ANO5: variants seen among roughly 807,000 people sequenced by gnomAD.
The protein encoded by ANO5 is anoctamin-5.
In ANO5, 109 loss-of-function variants were observed where a neutral mutation model predicts 121.0. The observed-to-expected ratio is 0.90, with a 90% CI of 0.77 to 1.06. ANO5 has a LOEUF of 1.06. Ranked by LOEUF, ANO5 falls within the 50% of genes least tolerant of loss-of-function variation. ANO5 has a pLI of 0.00. For synonymous variants in ANO5, 406 were observed against 359.9 expected, an observed-to-expected ratio of 1.13 and a Z score of -1.45; for missense variants, 1,064 against 1,078.5, an observed-to-expected ratio of 0.99 and a Z score of 0.19.
chr11:22,249,990 A>G (rs1192202248), intron 9 of ANO5, among the ~76,000 whole-genome samples: 1 of 152,160 alleles, frequency 6.6e-6, no homozygotes, highest in Non-Finnish European at 1.5e-5. Context: ...TTGGCTTTCT[A>G]CTTATATCTG....
intron 7 of ANO5, 55 bp downstream of exon 7, chr11:22,227,641 G>A (rs879533262): frequency 4.5e-5 from 72 of 1,589,352 alleles, no homozygotes; most frequent in African/African-American, 8.1e-5. Flanking sequence ...GTATGCTTGT[G>A]TGTGCTTTTA....
intron 12 of ANO5, among the ~76,000 whole-genome samples, chr11:22,251,853 C>T (rs975511460): frequency 6.6e-6 from 1 of 151,256 alleles, no homozygotes; most frequent in Admixed American, 6.6e-5. Context: ...GGTGAAACCC[C>T]GTCTCTACTA....
At chr11:22,273,566 C>T (rs1038466436) in intron 19 of ANO5, among the ~76,000 whole-genome samples, 5 of 152,042 alleles carry the variant, frequency 3.3e-5, no homozygotes, top group Non-Finnish European at 7.4e-5. Flanking sequence ...TTACAGATAA[C>T]TCCATTGCCA....
At chr11:22,259,457 G>T in intron 14 of ANO5, 62 bp from the exon 15 acceptor site, 1 of 1,429,066 alleles carries the variant, frequency 7.0e-7, no homozygotes, top group Non-Finnish European at 9.9e-7. Flanking sequence ...CAATATGTTA[G>T]ATATATATTC....
chr11:22,265,680 A>C (rs1164860569), intron 17 of ANO5, among the ~76,000 whole-genome samples: 1 of 152,114 alleles, frequency 6.6e-6, no homozygotes, highest in African/African-American at 2.4e-5. Context: ...TGATATATAG[A>C]TTTATTGTTA....
intron 18 of ANO5, among the ~76,000 whole-genome samples, chr11:22,270,657 A>G (rs922053009): frequency 6.6e-6 from 1 of 152,196 alleles, no homozygotes; most frequent in Non-Finnish European, 1.5e-5. Context: ...CAAAACACCA[A>G]TCTCAGAGAC....
chr11:22,246,127 C>T (rs966295200), intron 9 of ANO5, among the ~76,000 whole-genome samples: 1 of 152,120 alleles, frequency 6.6e-6, no homozygotes, highest in Non-Finnish European at 1.5e-5. Flanking sequence ...CCAAAGAGTA[C>T]CAGTCTTCTC....
Position 22,280,097 on chromosome 11 carries a change from T to G in ANO5, c.*332T>G. 1 of 260,440 alleles carries G rather than the reference T, an allele frequency of 3.8e-6. No homozygotes were observed. The highest frequency in any genetic ancestry group is 7.3e-6 in the Non-Finnish European group (1 of 136,064). The allele number at this position is 260,440 out of a possible 1,614,324, so 16.1% of individuals were successfully genotyped here. On this transcript the variant is annotated 3_prime_UTR_variant, in exon 22 of 22. Coordinates refer to ENST00000324559, the MANE Select transcript of ANO5 (RefSeq NM_213599.3). ...GAAACACTGGCCTTGGGCTGTCCCA[T>G]CACTTTCCAGTGCATCTATTTATTT...
intron 8 of ANO5, 60 bp downstream of exon 8, chr11:22,236,336 T>C (rs1284520551): frequency 7.5e-7 from 1 of 1,336,042 alleles, no homozygotes; most frequent in Non-Finnish European, 1.1e-6. Flanking sequence ...TGTTCATTAC[T>C]GGGAGAGAGA....
chr11:22,273,320 C>T (rs1235158393), intron 19 of ANO5, among the ~76,000 whole-genome samples: 1 of 152,002 alleles, frequency 6.6e-6, no homozygotes, highest in Non-Finnish European at 1.5e-5. Flanking sequence ...AGAGAATATA[C>T]ATTTACCTGT....
At chr11:22,221,006 AT>A in intron 4 of ANO5, 90 bp from the exon 5 acceptor site, 1 of 942,726 alleles carries the variant, frequency 1.1e-6, no homozygotes. Flanking sequence ...ATTTGTCTTG[AT>A]TTGACTAAAT....
chr11:22,281,987 A>G lies in ANO5; in HGVS notation c.*2222A>G, dbSNP rs1231912829. ...TTTGTTTTTCAGATTTAAAAATGAA[A>G]TACAGGTATTCGTCACTTTCCTGAA... is the stretch of plus-strand genomic sequence containing the variant. On this transcript the variant is annotated 3_prime_UTR_variant, in exon 22 of 22. Transcript: ENST00000324559. 1 of 152,150 alleles carries G rather than the reference A, an allele frequency of 6.6e-6. No homozygotes were observed. Among genetic ancestry groups the G allele is most frequent in the African/African-American group, 2.4e-5 (1 of 41,456 alleles). The allele number at this position is 152,150 out of a possible 1,614,324, so 9.4% of individuals were successfully genotyped here.
intron 1 of ANO5, among the ~76,000 whole-genome samples, chr11:22,199,010 C>A (rs1326077794): frequency 6.6e-6 from 1 of 152,100 alleles, no homozygotes; most frequent in Non-Finnish European, 1.5e-5. Flanking sequence ...CAAGCATTTC[C>A]CTTTAGATTT....
At position 22,255,429 on chromosome 11, in the gene ANO5, C is replaced by G; in HGVS notation, c.1239C>G (p.Asp413Glu). 1 of 1,612,950 alleles carries G rather than the reference C, an allele frequency of 6.2e-7. No homozygotes were observed. Among genetic ancestry groups the G allele is most frequent in the Non-Finnish European group, 8.5e-7 (1 of 1,179,362 alleles). The stretch of plus-strand genomic sequence containing the variant: ...AAGCCAGACTGGAATATGAATGGGA[C>G]CTGGTGGACTTTGAAGAGGAACAGC... ...QRQARLEYEW[D>E]LVDFEEEQQQ... Residue 413 changes from aspartate to glutamate, a missense_variant, in exon 13 of 22, where the codon GAC becomes GAG. Asp to Glu is a conservative substitution (Grantham distance 45). Coordinates refer to ENST00000324559, the MANE Select transcript of ANO5 (RefSeq NM_213599.3).
intron 1 of ANO5, among the ~76,000 whole-genome samples, chr11:22,196,925 G>A (rs1207147990): frequency 6.6e-6 from 1 of 152,124 alleles, no homozygotes; most frequent in African/African-American, 2.4e-5. Context: ...GAAAACAAAA[G>A]TGTTGGCTGA....
chr11:22,197,999 G>A (rs1329900900), intron 1 of ANO5, among the ~76,000 whole-genome samples: 1 of 152,152 alleles, frequency 6.6e-6, no homozygotes, highest in East Asian at 1.9e-4. Flanking sequence ...ACTCCATGAG[G>A]GAGTATGAAA....
At position 22,280,637 on chromosome 11, in the gene ANO5, C is replaced by T. The variant is rs985530825; in HGVS notation, c.*872C>T. The T allele has an allele frequency of 1.3e-5, 2 of 151,886 alleles. No homozygotes were observed. The highest frequency in any genetic ancestry group is 2.9e-5 in the Non-Finnish European group (2 of 67,846). The allele number at this position is 151,886 out of a possible 1,614,324, so 9.4% of individuals were successfully genotyped here. A position where few individuals can be genotyped will look rare whatever the true frequency, so the allele number is the denominator to read the frequency against. Reference sequence around the variant, plus strand: ...AATTGTTAAATTATTTCTTAAAAATCACTTTTCTTCTGGAATGCCAATTTC... The same window carrying T: ...AATTGTTAAATTATTTCTTAAAAATTACTTTTCTTCTGGAATGCCAATTTC... On this transcript the variant is annotated 3_prime_UTR_variant, in exon 22 of 22. Coordinates refer to ENST00000324559, the MANE Select transcript of ANO5 (RefSeq NM_213599.3).
Position 22,279,679 on chromosome 11 carries a change from G to A in ANO5, c.2656G>A (p.Glu886Lys). The A allele has an allele frequency of 6.2e-7, 1 of 1,612,812 alleles. No individual in the cohort carries two copies. The highest frequency in any genetic ancestry group is 8.5e-7 in the Non-Finnish European group (1 of 1,179,124). Residue 886 changes from glutamate to lysine, a missense_variant, in exon 22 of 22, where the codon GAG (glutamate) becomes AAG (lysine). Glu to Lys is a moderately conservative substitution (Grantham distance 56, BLOSUM62 1). Coordinates refer to ENST00000324559, the MANE Select transcript of ANO5 (RefSeq NM_213599.3). ...TGATTTTGAGCTCAACAAATTAAAA[G>A]AGAACTTGGGAATTAATTCTAATGA... ...LHDFELNKLK[E>K]NLGINSNEFA... is the part of the protein sequence containing the mutation.
Position 22,227,333 on chromosome 11 carries a change from A to T in ANO5, c.395A>T (p.Lys132Met), listed in dbSNP as rs1852872996. The change falls in exon 7 of 22, where the codon AAG becomes ATG. Residue 132 changes from lysine (K) to methionine (M), a missense_variant. Lys to Met is a moderately conservative substitution (Grantham distance 95). Transcript: ENST00000324559. Reference protein sequence around the residue: ...DSEDGRTYFVKIHAPWEVLVT... With the variant: ...DSEDGRTYFVMIHAPWEVLVT... ...GAAGATGGAAGAACTTATTTTGTCA[A>T]GATCCATGCCCCTTGGGAGGTATTA... 3 of 1,613,374 alleles carry T rather than the reference A, an allele frequency of 1.9e-6. No individual in the cohort carries two copies. Among genetic ancestry groups the T allele is most frequent in the Non-Finnish European group, 2.5e-6 (3 of 1,179,690 alleles).
Sources: allele counts gnomAD v4.1 joint callset (sites outside exome capture counted in the v4.1 genomes callset), GRCh38; gene constraint gnomAD v4.1.1; transcripts MANE v1.5; gene names NCBI Gene and HGNC (gene_info 2026-07-23, HGNC 2026-07-21).